Variants in MNAT1 observed in about 807,000 individuals in gnomAD.
The protein encoded by MNAT1 is MNAT1 component of CDK activating kinase.
Under a neutral mutation model 42.0 loss-of-function variants are expected in MNAT1, and 43 were observed. The ratio of observed to expected loss-of-function variants is 1.02; its 90% confidence interval spans 0.80 to 1.32. The LOEUF (loss-of-function observed/expected upper bound fraction) is 1.32, where lower values mean the gene tolerates loss of function less well. Among genes scored for constraint, MNAT1 ranks in the 40% most tolerant of loss-of-function variants. The pLI is 0.00. For synonymous variants in MNAT1, 118 were observed against 120.0 expected (o/e 0.98, Z 0.11); for missense variants, 306 against 350.4 (o/e 0.87, Z 1.01).
chr14:60,879,736 C>A lies in MNAT1; in HGVS notation c.710C>A (p.Pro237His), dbSNP rs1400458032. ...IKMGQHISLA[P>H]IHKLEEALYE... is the part of the protein sequence containing the mutation. ...CAGGGTCAACATATTTCACTGGCAC[C>A]TATTCACAAGCTTGAAGAAGCTCTG... is the stretch of plus-strand genomic sequence containing the variant. The change falls in exon 7 of 8, where the codon CCT (proline) becomes CAT (histidine). Residue 237 changes from proline to histidine, a missense_variant. Pro to His is a moderately conservative substitution (Grantham distance 77). Around this residue, in one of 3 missense-constraint regions of MNAT1, gnomAD observed 116 missense variants for 139.6 expected, o/e 0.83. Transcript: ENST00000261245. 1.9e-6 allele frequency: 3 copies of A among 1,612,840 alleles called. No homozygotes were observed. Among genetic ancestry groups the A allele is most frequent in the Non-Finnish European group, 1.7e-6 (2 of 1,179,208 alleles).
chr14:60,902,644 C>T (rs1475027278), intron 7 of MNAT1, among the ~76,000 whole-genome samples: 1 of 152,102 alleles, frequency 6.6e-6, no homozygotes. Flanking sequence ...AGTAATCAAA[C>T]ACCAATCCTT....
intron 6 of MNAT1, among the ~76,000 whole-genome samples, chr14:60,856,247 A>G (rs2033956351): frequency 6.6e-6 from 1 of 152,244 alleles, no homozygotes; most frequent in South Asian, 2.1e-4. Context: ...TGAACACATG[A>G]ATGATAAGAA....
intron 6 of MNAT1, among the ~76,000 whole-genome samples, chr14:60,857,959 T>G (rs1456696304): frequency 2.0e-5 from 3 of 152,244 alleles, no homozygotes; most frequent in Non-Finnish European, 4.4e-5. Context: ...CACATTTTCT[T>G]TATCTAGTCT....
At chr14:60,908,354 G>T (rs538001290) in intron 7 of MNAT1, among the ~76,000 whole-genome samples, 140 of 151,934 alleles carry the variant, frequency 9.2e-4, no homozygotes, top group Non-Finnish European at 1.5e-3. Context: ...AAGTTTTACG[G>T]TATATGTGTA....
chr14:60,791,523 A>G (rs1273524672), intron 1 of MNAT1, among the ~76,000 whole-genome samples: 1 of 152,152 alleles, frequency 6.6e-6, no homozygotes, highest in Non-Finnish European at 1.5e-5. Flanking sequence ...GCCTAAAGGT[A>G]TGAAAGGACT....
At chr14:60,795,681 T>A (rs1472165145) in intron 1 of MNAT1, among the ~76,000 whole-genome samples, 1 of 152,232 alleles carries the variant, frequency 6.6e-6, no homozygotes, top group Non-Finnish European at 1.5e-5. Flanking sequence ...AAGTTCTTTA[T>A]CCTCTGGCCA....
chr14:60,864,518 G>A (rs1365887187), intron 6 of MNAT1, among the ~76,000 whole-genome samples: 1 of 151,958 alleles, frequency 6.6e-6, no homozygotes, highest in Non-Finnish European at 1.5e-5. Context: ...TGTAAAACAG[G>A]TAAAACATAC....
intron 7 of MNAT1, among the ~76,000 whole-genome samples, chr14:60,921,296 T>C (rs1281725873): frequency 1.3e-5 from 2 of 152,208 alleles, no homozygotes; most frequent in African/African-American, 4.8e-5. Context: ...TGGAGTCACA[T>C]GTATCTGTTA....
intron 5 of MNAT1, among the ~76,000 whole-genome samples, chr14:60,812,719 A>G (rs928472700): frequency 8.5e-5 from 13 of 152,106 alleles, no homozygotes; most frequent in African/African-American, 2.2e-4. Context: ...AATTCAGCAC[A>G]TTCTCCTCAT....
intron 6 of MNAT1, among the ~76,000 whole-genome samples, chr14:60,872,065 A>T (rs1434325690): frequency 6.6e-6 from 1 of 152,144 alleles, no homozygotes; most frequent in Non-Finnish European, 1.5e-5. Flanking sequence ...ATGAAGGAAT[A>T]CCTGAGACTG....
intron 6 of MNAT1, among the ~76,000 whole-genome samples, chr14:60,826,195 G>A (rs1164274829): frequency 6.6e-6 from 1 of 152,012 alleles, no homozygotes. Flanking sequence ...GAATTAAACT[G>A]TCAGGGAGTG....
chr14:60,855,013 C>T (rs1347000562), intron 6 of MNAT1, among the ~76,000 whole-genome samples: 2 of 152,158 alleles, frequency 1.3e-5, no homozygotes, highest in Non-Finnish European at 2.9e-5. Context: ...ATATGCCCTG[C>T]TCAGTGAAGA....
chr14:60,886,681 A>G (rs2034681159), intron 7 of MNAT1, among the ~76,000 whole-genome samples: 1 of 151,992 alleles, frequency 6.6e-6, no homozygotes, highest in South Asian at 2.1e-4. Context: ...ATACTTCACT[A>G]TTAGTATAAA....
At chr14:60,909,337 A>G (rs919646260) in intron 7 of MNAT1, among the ~76,000 whole-genome samples, 31 of 152,014 alleles carry the variant, frequency 2.0e-4, no homozygotes, top group African/African-American at 5.3e-4. Context: ...ATTAGATCCC[A>G]TTTGTCAATT....
At chr14:60,849,940 G>A (rs1222484931) in intron 6 of MNAT1, among the ~76,000 whole-genome samples, 2 of 151,936 alleles carry the variant, frequency 1.3e-5, no homozygotes, top group Non-Finnish European at 2.9e-5. Context: ...ACGTTCAAGT[G>A]GTTCTCCCGC....
chr14:60,894,191 A>G (rs951449812), intron 7 of MNAT1, among the ~76,000 whole-genome samples: 1 of 151,636 alleles, frequency 6.6e-6, no homozygotes, highest in African/African-American at 2.4e-5. Flanking sequence ...GTTTCAATGT[A>G]GGACTAGGAA....
At chr14:60,923,929 TAAAAC>T (rs975881559) in intron 7 of MNAT1, among the ~76,000 whole-genome samples, 3 of 152,142 alleles carry the variant, frequency 2.0e-5, no homozygotes, top group Admixed American at 1.3e-4. Context: ...GAGACTGTCT[TAAAAC>T]AAAACAAAAC....
intron 1 of MNAT1, among the ~76,000 whole-genome samples, chr14:60,781,108 C>T (rs1028741699): frequency 3.3e-5 from 5 of 152,130 alleles, no homozygotes; most frequent in African/African-American, 1.2e-4. Flanking sequence ...TTTTCCCTAT[C>T]GAATCAGTTT....
intron 7 of MNAT1, among the ~76,000 whole-genome samples, chr14:60,914,825 A>C (rs2139537246): frequency 6.6e-6 from 1 of 152,368 alleles, no homozygotes; most frequent in Non-Finnish European, 1.5e-5. Flanking sequence ...CGATTATTGA[A>C]GCTAGAATCA....
Sources: allele counts gnomAD v4.1 joint callset (sites outside exome capture counted in the v4.1 genomes callset), GRCh38; gene constraint gnomAD v4.1.1; regional missense constraint gnomAD v4.1.1; transcripts MANE v1.5; gene names NCBI Gene and HGNC (gene_info 2026-07-23, HGNC 2026-07-21).